JAZF1: variants seen among roughly 807,000 people sequenced by gnomAD.
JAZF1 encodes the protein JAZF zinc finger 1, also known as juxtaposed with another zinc finger protein 1.
JAZF1 carries 8 observed loss-of-function variants against 26.4 expected under a neutral mutation model. That is an observed-to-expected ratio of 0.30 (90% CI 0.18 to 0.55). The LOEUF (loss-of-function observed/expected upper bound fraction) is 0.55, where lower values mean the gene tolerates loss of function less well. Ranked by LOEUF, JAZF1 falls within the 20% of genes least tolerant of loss-of-function variation. JAZF1 has a pLI of 0.94. For synonymous variants in JAZF1, 126 were observed against 122.3 expected, an observed-to-expected ratio of 1.03 and a Z score of -0.20; for missense variants, 199 against 322.0, an observed-to-expected ratio of 0.62 and a Z score of 2.92.
rs1784104842 is a variant in JAZF1, at chr7:27,898,298, T to TAC, written c.189-2883_189-2882insGT. 4.8e-5 allele frequency among the ~76,000 whole-genome samples: 5 copies of TAC among 103,924 alleles called. No homozygotes were observed. The East Asian group carries it at 8.8e-4, about 18-fold the overall frequency. 68.2% of individuals were successfully genotyped at this position (103,924 alleles called of 152,430 possible). A position where few individuals can be genotyped will look rare whatever the true frequency, so the allele number is the denominator to read the frequency against. Reference sequence around the variant, plus strand: ...TCTACGTCTAACTCATATATATATATATATATACATCGGTTTTTTTTTTTT... The same window carrying TAC: ...TCTACGTCTAACTCATATATATATATACATATATACATCGGTTTTTTTTTTTT... On this transcript the variant is annotated intron_variant, in intron 2 of 4. Transcript: ENST00000283928.
intron 1 of JAZF1, among the ~76,000 whole-genome samples, chr7:28,164,000 G>A (rs775334997): frequency 6.6e-6 from 1 of 152,254 alleles, no homozygotes; most frequent in Non-Finnish European, 1.5e-5. Flanking sequence ...TGTGCATGAT[G>A]TGAATAGAGG....
chr7:28,062,377 T>G (rs377252111), intron 1 of JAZF1, among the ~76,000 whole-genome samples: 32 of 152,336 alleles, frequency 2.1e-4, no homozygotes, highest in African/African-American at 7.2e-4. Context: ...GTTTTCTTGC[T>G]GCTGCTTCAC....
intron 2 of JAZF1, among the ~76,000 whole-genome samples, chr7:27,990,078 T>G (rs1336496181): frequency 1.3e-5 from 2 of 152,190 alleles, no homozygotes; most frequent in African/African-American, 2.4e-5. Context: ...ATGTGGCACA[T>G]ATACACCATG....
chr7:27,943,403 C>T lies in JAZF1; in HGVS notation c.189-47987G>A, dbSNP rs192277817. 1.8e-3 allele frequency among the ~76,000 whole-genome samples: 279 copies of T among 152,200 alleles called. 6 individuals are homozygous for T. The East Asian group carries it at 0.046, about 25-fold the overall frequency. On this transcript the variant is annotated intron_variant, in intron 2 of 4. Transcript: ENST00000283928. ...CGCCTCCGCTGCTAGCTGGAGGCCG[C>T]GCACTGGATGGCTAATGAGGCCCAG... is the stretch of plus-strand genomic sequence containing the variant.
At chr7:27,890,594 T>C (rs954789016) in intron 3 of JAZF1, among the ~76,000 whole-genome samples, 1 of 152,144 alleles carries the variant, frequency 6.6e-6, no homozygotes, top group Non-Finnish European at 1.5e-5. Context: ...TAGACAGACA[T>C]GGATGTGTCA....
intron 1 of JAZF1, among the ~76,000 whole-genome samples, chr7:28,081,477 G>A (rs1021403274): frequency 3.9e-5 from 6 of 152,164 alleles, no homozygotes; most frequent in Admixed American, 1.3e-4. Flanking sequence ...AGCAAGCTGC[G>A]CCATTCCCCC....
chr7:27,838,151 G>T (rs1264168730), intron 4 of JAZF1, among the ~76,000 whole-genome samples: 1 of 151,978 alleles, frequency 6.6e-6, no homozygotes, highest in Non-Finnish European at 1.5e-5. Flanking sequence ...CCCATTCCCT[G>T]GGTGTCTTGT....
intron 1 of JAZF1, among the ~76,000 whole-genome samples, chr7:28,161,294 G>C (rs1427030526): frequency 1.1e-5 from 1 of 93,214 alleles, no homozygotes; most frequent in Non-Finnish European, 2.1e-5. Flanking sequence ...CTACTCAAAA[G>C]CCCTGTAGGT....
At chr7:28,174,821 G>GGTGTGTGT (rs58952216) in intron 1 of JAZF1, among the ~76,000 whole-genome samples, 16,701 of 107,626 alleles carry the variant, frequency 0.16, 4,111 homozygotes, top group South Asian at 0.32. Flanking sequence ...GGGGTGTGTG[G>GGTGTGTGT]GTGTGTGTGT....
chr7:27,906,861 T>C (rs1443422376), intron 2 of JAZF1, among the ~76,000 whole-genome samples: 1 of 152,232 alleles, frequency 6.6e-6, no homozygotes. Flanking sequence ...ACGTAAAGAC[T>C]AATGAACAAA....
At chr7:27,997,510 G>GT (rs1258047838) in intron 1 of JAZF1, among the ~76,000 whole-genome samples, 3 of 152,158 alleles carry the variant, frequency 2.0e-5, no homozygotes, top group Non-Finnish European at 4.4e-5. Flanking sequence ...TAAGTGCATG[G>GT]TCAACAAGCT....
At chr7:27,936,100 C>G (rs183723054) in intron 2 of JAZF1, among the ~76,000 whole-genome samples, 3 of 152,334 alleles carry the variant, frequency 2.0e-5, no homozygotes, top group Admixed American at 2.0e-4. Context: ...GTTAAAGCAA[C>G]AACCATCATT....
chr7:28,119,820 C>T, intron 1 of JAZF1, among the ~76,000 whole-genome samples: 1 of 152,228 alleles, frequency 6.6e-6, no homozygotes, highest in South Asian at 2.1e-4. Flanking sequence ...GATAAAAACT[C>T]TTGCTTAATC....
In JAZF1 at chr7:28,154,458, T is replaced by A. The variant is rs141930915; in HGVS notation, c.115+26005A>T. Among the ~76,000 whole-genome samples, 357 of 152,292 alleles carry A rather than the reference T, an allele frequency of 2.3e-3. 2 individuals are homozygous for A. The highest frequency in any genetic ancestry group is 8.3e-3 in the African/African-American group (344 of 41,570). ...CAAGATCCTCTGGTCAAACTTAACC[T>A]CATATCCAATAGTCTGATGTTCTGG... On this transcript the variant is annotated intron_variant, in intron 1 of 4. Coordinates refer to ENST00000283928, the MANE Select transcript of JAZF1 (RefSeq NM_175061.4).
intron 3 of JAZF1, among the ~76,000 whole-genome samples, chr7:27,893,778 G>A (rs1028623768): frequency 2.6e-5 from 4 of 152,142 alleles, no homozygotes; most frequent in Non-Finnish European, 2.9e-5. Flanking sequence ...ACAAACATGC[G>A]GACCTCTTCC....
intron 3 of JAZF1, among the ~76,000 whole-genome samples, chr7:27,845,884 T>G (rs1206885742): frequency 6.6e-6 from 1 of 151,954 alleles, no homozygotes; most frequent in African/African-American, 2.4e-5. Flanking sequence ...ATTCCCTCTC[T>G]TCTCCCTCTC....
intron 3 of JAZF1, among the ~76,000 whole-genome samples, chr7:27,887,142 G>C (rs113153762): frequency 6.6e-6 from 1 of 152,046 alleles, no homozygotes; most frequent in Non-Finnish European, 1.5e-5. Context: ...AGGGTGGGAG[G>C]AGGGAGAGGA....
At chr7:28,041,317 T>G (rs147608645) in intron 1 of JAZF1, among the ~76,000 whole-genome samples, 2 of 152,292 alleles carry the variant, frequency 1.3e-5, no homozygotes, top group East Asian at 3.9e-4. Flanking sequence ...CAAGTCAGAT[T>G]GCCCAAATGA....
intron 2 of JAZF1, among the ~76,000 whole-genome samples, chr7:27,920,453 T>C (rs1279681489): frequency 3.3e-5 from 5 of 152,246 alleles, no homozygotes; most frequent in East Asian, 1.9e-4. Flanking sequence ...TGTAAGCAGG[T>C]TGGCTTCAAA....
Sources: allele counts gnomAD v4.1 joint callset (sites outside exome capture counted in the v4.1 genomes callset), GRCh38; gene constraint gnomAD v4.1.1; transcripts MANE v1.5; gene names NCBI Gene and HGNC (gene_info 2026-07-23, HGNC 2026-07-21).